FGF12: variants seen among roughly 807,000 people sequenced by gnomAD.
FGF12 encodes the protein fibroblast growth factor 12.
A neutral mutation model predicts 23.6 loss-of-function variants in FGF12; 14 were observed. The observed-to-expected ratio is 0.59, with a 90% CI of 0.39 to 0.93. The LOEUF is 0.93. Ranked by LOEUF, FGF12 falls within the 40% of genes least tolerant of loss-of-function variation. FGF12 has a pLI of 0.00. For missense variants in FGF12, 175 were observed against 217.8 expected (o/e 0.80, Z 1.24); for synonymous variants, 62 against 77.3 (o/e 0.80, Z 1.04).
chr3:192,407,055 C>T (rs1367023090), intron 2 of FGF12, among the ~76,000 whole-genome samples: 8 of 152,222 alleles, frequency 5.3e-5, no homozygotes, highest in African/African-American at 1.7e-4. Flanking sequence ...CAGATCTCTC[C>T]GCAATTCTGC....
chr3:192,625,580 C>A (rs1216909239), intron 2 of FGF12, among the ~76,000 whole-genome samples: 2 of 152,040 alleles, frequency 1.3e-5, no homozygotes, highest in Non-Finnish European at 1.5e-5. Flanking sequence ...AACACTAATG[C>A]TTTTCAGAAA....
intron 2 of FGF12, among the ~76,000 whole-genome samples, chr3:192,364,842 G>A (rs1170110262): frequency 6.6e-6 from 1 of 152,120 alleles, no homozygotes; most frequent in Non-Finnish European, 1.5e-5. Context: ...AGTATGCAAA[G>A]GGAAGGAGAG....
At chr3:192,305,682 AT>A (rs1715597169) in intron 4 of FGF12, among the ~76,000 whole-genome samples, 3 of 117,892 alleles carry the variant, frequency 2.5e-5, no homozygotes, top group African/African-American at 9.1e-5. Context: ...AAAAAAAAAT[AT>A]ATATATATAT....
chr3:192,514,943 C>T lies in FGF12; in HGVS notation c.14-154405G>A. ...GGGGGCGGGCCGGGACGCGGAAGTG[C>T]CGGTCCGCCGGGGGCAGCCCTCCGA... is the stretch of plus-strand genomic sequence containing the variant. On this transcript the variant is annotated intron_variant, in intron 2 of 5. Coordinates refer to ENST00000445105, the MANE Select transcript of FGF12 (RefSeq NM_004113.6). The surrounding 1 kb of genome is among the most constrained non-coding windows in gnomAD (Gnocchi z 4.9). 1 of 888,226 alleles carries T rather than the reference C, an allele frequency of 1.1e-6. No individual in the cohort carries two copies. 55.0% of individuals were successfully genotyped at this position (888,226 alleles called of 1,614,324 possible).
At chr3:192,576,228 C>G (rs1038458621) in intron 2 of FGF12, among the ~76,000 whole-genome samples, 1 of 152,056 alleles carries the variant, frequency 6.6e-6, no homozygotes, top group South Asian at 2.1e-4. Flanking sequence ...GGGAAAGAAC[C>G]ATCTCTCACT....
chr3:192,522,199 A>AGG (rs1724837192), intron 2 of FGF12, among the ~76,000 whole-genome samples: 3 of 134,428 alleles, frequency 2.2e-5, no homozygotes, highest in African/African-American at 6.6e-5. Context: ...CTCCGTCTCA[A>AGG]AAAAAAAAAA....
chr3:192,681,018 T>C (rs55852940), intron 2 of FGF12, among the ~76,000 whole-genome samples: 4,578 of 152,334 alleles, frequency 0.03, 102 homozygotes, highest in Middle Eastern at 0.044. Flanking sequence ...GGTTATTTGG[T>C]TGTTCAATAA....
chr3:192,259,402 G>A (rs1329757463), intron 4 of FGF12, among the ~76,000 whole-genome samples: 2 of 152,096 alleles, frequency 1.3e-5, no homozygotes, highest in African/African-American at 4.8e-5. Context: ...ACGTAAAAAT[G>A]TAGCTGACAA....
chr3:192,374,162 T>A (rs1327161478), intron 2 of FGF12, among the ~76,000 whole-genome samples: 3 of 152,200 alleles, frequency 2.0e-5, no homozygotes, highest in Non-Finnish European at 2.9e-5. Flanking sequence ...TACAAAAACA[T>A]TGGGTTTTTT....
At chr3:192,223,016 T>C (rs1718553310) in intron 4 of FGF12, among the ~76,000 whole-genome samples, 1 of 152,192 alleles carries the variant, frequency 6.6e-6, no homozygotes, top group Admixed American at 6.5e-5. Context: ...GCCCATACTT[T>C]ACCCAAGGTT....
chr3:192,705,734 G>C (rs1718447339), intron 2 of FGF12, among the ~76,000 whole-genome samples: 1 of 152,138 alleles, frequency 6.6e-6, no homozygotes, highest in African/African-American at 2.4e-5. Flanking sequence ...GGTGCCAATA[G>C]ACTTGCTCAA....
intron 2 of FGF12, among the ~76,000 whole-genome samples, chr3:192,688,920 A>C (rs1203447852): frequency 6.6e-6 from 1 of 152,196 alleles, no homozygotes; most frequent in Non-Finnish European, 1.5e-5. Flanking sequence ...AAAAAAATAA[A>C]ATTATGTCAT....
At chr3:192,548,289 T>A (rs1045626630) in intron 2 of FGF12, among the ~76,000 whole-genome samples, 3 of 152,158 alleles carry the variant, frequency 2.0e-5, no homozygotes, top group African/African-American at 7.2e-5. Context: ...GAAGCATTGA[T>A]ACACATGTTT....
At chr3:192,323,345 T>C (rs1199103530) in intron 4 of FGF12, among the ~76,000 whole-genome samples, 1 of 152,144 alleles carries the variant, frequency 6.6e-6, no homozygotes, top group Non-Finnish European at 1.5e-5. Flanking sequence ...ATAAAGAAGA[T>C]ATGGTATATA....
At chr3:192,643,849 A>C (rs1715894976) in intron 2 of FGF12, among the ~76,000 whole-genome samples, 1 of 152,238 alleles carries the variant, frequency 6.6e-6, no homozygotes, top group Admixed American at 6.5e-5. Flanking sequence ...AGTTGAACTC[A>C]TATACTGTGG....
At chr3:192,562,997 G>GA (rs1560151512) in intron 2 of FGF12, among the ~76,000 whole-genome samples, 4 of 152,048 alleles carry the variant, frequency 2.6e-5, no homozygotes, top group Non-Finnish European at 5.9e-5. Flanking sequence ...GTATGACCAG[G>GA]GTAATAAGGA....
At chr3:192,641,818 G>T (rs1448906592) in intron 2 of FGF12, among the ~76,000 whole-genome samples, 2 of 152,154 alleles carry the variant, frequency 1.3e-5, no homozygotes, top group Non-Finnish European at 2.9e-5. Context: ...ACACAGCTAT[G>T]ACCATTTGTT....
intron 5 of FGF12, among the ~76,000 whole-genome samples, chr3:192,164,008 T>C (rs1715021954): frequency 6.6e-6 from 1 of 152,204 alleles, no homozygotes; most frequent in African/African-American, 2.4e-5. Flanking sequence ...CTCTTGAAGC[T>C]TAAATCTTTG....
chr3:192,594,575 G>A (rs997611218), intron 2 of FGF12, among the ~76,000 whole-genome samples: 9 of 151,804 alleles, frequency 5.9e-5, no homozygotes, highest in Admixed American at 2.6e-4. Flanking sequence ...AAATTCATAC[G>A]TTGATGGCTT....
Sources: allele counts gnomAD v4.1 joint callset (sites outside exome capture counted in the v4.1 genomes callset), GRCh38; gene constraint gnomAD v4.1.1; non-coding constraint Gnocchi (gnomAD v3.1); transcripts MANE v1.5; gene names NCBI Gene and HGNC (gene_info 2026-07-23, HGNC 2026-07-21).